DHX9: variants seen among roughly 807,000 people sequenced by gnomAD.
DHX9 encodes DExH-box helicase 9.
Under a neutral mutation model 148.7 loss-of-function variants are expected in DHX9, and 27 were observed. The observed-to-expected ratio is 0.18, with a 90% CI of 0.13 to 0.25. DHX9 has a LOEUF of 0.25. Ranked by LOEUF, DHX9 falls within the 10% of genes least tolerant of loss-of-function variation. The probability of loss-of-function intolerance (pLI) is 1.00; values close to 1 mark genes in which losing one functional copy is unlikely to be tolerated. For missense variants in DHX9, 796 were observed against 1,559.6 expected, an observed-to-expected ratio of 0.51 and a Z score of 8.25; for synonymous variants, 529 against 516.6, an observed-to-expected ratio of 1.02 and a Z score of -0.33.
chr1:182,857,832 C>T (rs1668283749), intron 7 of DHX9, among the ~76,000 whole-genome samples: 1 of 152,144 alleles, frequency 6.6e-6, no homozygotes, highest in Non-Finnish European at 1.5e-5. Context: ...ACAGTGACAA[C>T]TTTGTTGAAA....
chr1:182,875,319 C>T (rs1648710820), intron 16 of DHX9: 16 of 412,878 alleles, frequency 3.9e-5, no homozygotes, highest in South Asian at 2.6e-4. Flanking sequence ...ATGCTGTGCC[C>T]CACCCTAGAT....
chr1:182,856,627 A>G (rs1668255088), intron 7 of DHX9, 49 bp downstream of exon 7: 1 of 1,545,814 alleles, frequency 6.5e-7, no homozygotes, highest in African/African-American at 1.4e-5. Flanking sequence ...ATAGAGAAGG[A>G]ATCTTCACAT....
intron 12 of DHX9, among the ~76,000 whole-genome samples, chr1:182,865,384 A>G (rs770696449): frequency 5.9e-5 from 9 of 152,212 alleles, no homozygotes; most frequent in Non-Finnish European, 1.2e-4. Flanking sequence ...TAATGTGTTG[A>G]TATTTAAACA....
intron 24 of DHX9, 43 bp from the exon 25 acceptor site, chr1:182,883,096 G>C (rs1462709240): frequency 7.6e-7 from 1 of 1,322,806 alleles, no homozygotes; most frequent in Admixed American, 1.7e-5. Context: ...GTGAAGATCA[G>C]CCAGTTATCT....
In DHX9 at chr1:182,878,094, C is replaced by T. The variant is rs1419626908; in HGVS notation, c.2272C>T (p.Leu758Phe). Reference protein sequence around the residue: ...YATVWASKTNLEQRKGRAGRV... With the variant: ...YATVWASKTNFEQRKGRAGRV... ...TACCGTATGGGCATCAAAAACAAACCTTGAGCAACGGAAAGGGCGAGCTGG... is the reference window on the plus strand; with the variant it reads ...TACCGTATGGGCATCAAAAACAAACTTTGAGCAACGGAAAGGGCGAGCTGG... The change falls in exon 20 of 28, where the codon CTT becomes TTT. Residue 758 changes from leucine (L) to phenylalanine (F), a missense_variant. By Grantham distance (22) the Leu-to-Phe change is conservative (BLOSUM62 0). Around this residue, in one of 14 missense-constraint regions of DHX9, gnomAD observed 6 missense variants for 74.7 expected, o/e 0.08. Transcript: ENST00000367549. 2 of 1,614,250 alleles carry T rather than the reference C, an allele frequency of 1.2e-6. No individual in the cohort carries two copies. Among genetic ancestry groups the T allele is most frequent in the Admixed American group, 1.7e-5 (1 of 60,034 alleles).
intron 16 of DHX9, 89 bp downstream of exon 16, chr1:182,875,043 A>G (rs1571317760): frequency 9.8e-7 from 1 of 1,025,466 alleles, no homozygotes; most frequent in African/African-American, 1.6e-5. Context: ...ATGTATTAGC[A>G]TTACAGCAAA....
rs779767700 is a variant in DHX9 at position 182,879,281 on chromosome 1, C to T, written c.2383C>T (p.Arg795Ter). 1.3e-6 allele frequency: 2 copies of T among 1,527,382 alleles called. No individual in the cohort carries two copies. The highest frequency in any genetic ancestry group is 1.3e-5 in the South Asian group (1 of 79,626). The allele number at this position is 1,527,382 out of a possible 1,614,324, so 94.6% of individuals were successfully genotyped here. Residue 795 changes from arginine (R) to a stop codon, truncating the protein, a stop_gained, in exon 21 of 28, where the codon CGA becomes TGA. Coordinates refer to ENST00000367549, the MANE Select transcript of DHX9 (RefSeq NM_001357.5). LOFTEE classifies it high-confidence loss of function. ...LETHMTPEMF[R>*]TPLHEIALSI... ...AACCCACATGACACCAGAGATGTTC[C>T]GAACACCATTGCATGAAATTGCTCT...
intron 1 of DHX9, chr1:182,840,007 A>G (rs1438093375): frequency 6.6e-6 from 1 of 152,418 alleles, no homozygotes; most frequent in Non-Finnish European, 1.5e-5. Context: ...CAGAGCCTGC[A>G]GAAGCGGAAG....
chr1:182,879,110 A>T (rs1466966165), intron 20 of DHX9, 140 bp from the exon 21 acceptor site: 4 of 640,576 alleles, frequency 6.2e-6, no homozygotes, highest in Non-Finnish European at 9.6e-6. Flanking sequence ...ATAGTGAACG[A>T]TAAAAGGTCC....
In DHX9 at chr1:182,853,797, T is replaced by A. The variant is rs564759202; in HGVS notation, c.478-233T>A. Among the ~76,000 whole-genome samples, 179 of 152,314 alleles carry A rather than the reference T, an allele frequency of 1.2e-3. 1 individual carries two copies. The highest frequency in any genetic ancestry group is 2.1e-3 in the Non-Finnish European group (143 of 68,014). ...AACAAGCACAAAGAAGTTGTCATTT[T>A]TTTTTTTTGGAAGAATTTAAATGCA... On this transcript the variant is annotated intron_variant, in intron 5 of 27. Transcript: ENST00000367549.
At position 182,887,380 on chromosome 1, in the gene DHX9, G is replaced by T. The variant is rs749409176; in HGVS notation, c.3759G>T (p.Arg1253Ser). 6.2e-6 allele frequency: 10 copies of T among 1,613,900 alleles called. No homozygotes were observed. The highest frequency in any genetic ancestry group is 1.3e-5 in the African/African-American group (1 of 74,886). Residue 1253 changes from arginine (R) to serine (S), a missense_variant, in exon 28 of 28, where the codon AGG (arginine) becomes AGT (serine). Physicochemically the swap from Arg to Ser is moderately radical, Grantham distance 110 (BLOSUM62 -1). Transcript: ENST00000367549. The part of the protein sequence containing the change: ...GSGGFQRGGG[R>S]GAYGTGYFGQ... The stretch of plus-strand genomic sequence containing the variant: ...GGGGATTCCAGCGAGGAGGTGGTAG[G>T]GGGGCCTATGGAACTGGCTACTTTG...
At chr1:182,875,144 C>T (rs1648700676) in intron 16 of DHX9, 190 bp downstream of exon 16, 3 of 623,654 alleles carry the variant, frequency 4.8e-6, no homozygotes, top group Non-Finnish European at 9.0e-6. Context: ...AAGCTGTTTT[C>T]TATCACAAGT....
chr1:182,881,492 A>G, intron 23 of DHX9, 28 bp from the exon 24 acceptor site: 1 of 1,607,776 alleles, frequency 6.2e-7, no homozygotes, highest in South Asian at 1.1e-5. Flanking sequence ...GGTCTTAGAG[A>G]ATGATTTCTC....
intron 1 of DHX9, chr1:182,840,076 T>G (rs1335926944): frequency 1.3e-5 from 2 of 152,228 alleles, no homozygotes; most frequent in Non-Finnish European, 2.9e-5. Context: ...GCCATGTGAC[T>G]GGAGTGTGGC....
intron 12 of DHX9, among the ~76,000 whole-genome samples, chr1:182,863,438 G>A (rs1648080475): frequency 6.6e-6 from 1 of 152,120 alleles, no homozygotes; most frequent in Non-Finnish European, 1.5e-5. Context: ...ACGATTTCTA[G>A]ATGTCTCTGT....
chr1:182,844,255 A>G (rs1377728969), intron 3 of DHX9, among the ~76,000 whole-genome samples: 3 of 152,202 alleles, frequency 2.0e-5, no homozygotes, highest in Admixed American at 6.5e-5. Context: ...CCTGGCTGAC[A>G]TGTCCTTATA....
At chr1:182,852,711 T>TA (rs947049018) in intron 4 of DHX9, among the ~76,000 whole-genome samples, 1 of 152,212 alleles carries the variant, frequency 6.6e-6, no homozygotes, top group Non-Finnish European at 1.5e-5. Flanking sequence ...CAGAATGACT[T>TA]ACAGTAGGTC....
rs985587828 is a variant in DHX9 at position 182,853,369 on chromosome 1, C to T, written c.428C>T (p.Ala143Val). ...GVPGPTWDRG[A>V]NLKDYYSRKE... ...CCTGGGCCCACCTGGGACCGAGGAG[C>T]CAACTTGAAGGATTACTACTCAAGA... The change falls in exon 5 of 28, where the codon GCC becomes GTC. Residue 143 changes from alanine (A) to valine (V), a missense_variant. Around this residue, in one of 14 missense-constraint regions of DHX9, gnomAD observed 46 missense variants for 136.3 expected, o/e 0.34. Transcript: ENST00000367549. 9.9e-6 allele frequency: 16 copies of T among 1,613,748 alleles called. No homozygotes were observed. Among genetic ancestry groups the T allele is most frequent in the Non-Finnish European group, 1.4e-5 (16 of 1,179,932 alleles).
At position 182,878,399 on chromosome 1, in the gene DHX9, C is replaced by T. The variant is rs1648920163; in HGVS notation, c.2351+226C>T. Among the ~76,000 whole-genome samples the T allele has an allele frequency of 2.0e-5, 3 of 152,152 alleles. No homozygotes were observed. In the South Asian group the frequency reaches 6.2e-4, roughly 32 times the overall value. ...ATTTTAATATTATTTGTGCCTAATA[C>T]ATTGTATAACACTAAGTGGTTACTC... On this transcript the variant is annotated intron_variant, in intron 20 of 27. Coordinates refer to ENST00000367549, the MANE Select transcript of DHX9 (RefSeq NM_001357.5).
Sources: gnomAD v4.1 joint callset for allele counts (sites outside exome capture counted in the v4.1 genomes callset) on GRCh38, gnomAD v4.1.1 for gene constraint, gnomAD v4.1.1 regional missense constraint, MANE v1.5 for transcripts, NCBI Gene and HGNC (gene_info 2026-07-23, HGNC 2026-07-21) for gene names.